Variants in BRWD3 observed in about 807,000 individuals in gnomAD.
BRWD3 encodes bromodomain and WD repeat domain containing 3, also known as bromodomain and WD repeat-containing protein 3.
In BRWD3, 10 loss-of-function variants were observed where a neutral mutation model predicts 149.7. The observed-to-expected ratio is 0.07, with a 90% CI of 0.04 to 0.11. BRWD3 has a LOEUF of 0.11. BRWD3 is among the 10% of genes least tolerant of loss of function. The probability of loss-of-function intolerance (pLI) is 1.00; values close to 1 mark genes in which losing one functional copy is unlikely to be tolerated. For synonymous variants in BRWD3, 504 were observed against 456.7 expected, an observed-to-expected ratio of 1.10 and a Z score of -1.32; for missense variants, 940 against 1,373.2, an observed-to-expected ratio of 0.68 and a Z score of 4.99.
chrX:80,794,746 A>C (rs2074219491), intron 4 of BRWD3, among the ~76,000 whole-genome samples: 1 of 110,745 alleles, frequency 9.0e-6, no homozygotes. Flanking sequence ...TCATTTGCTT[A>C]GCTGTTAATC....
Position 80,801,171 on chromosome X carries a change from C to T in BRWD3, c.180+7368G>A, listed in dbSNP as rs750542482. 2.8e-5 allele frequency among the ~76,000 whole-genome samples: 3 copies of T among 105,659 alleles called. No individual in the cohort carries two copies. The East Asian group carries it at 9.0e-4, about 32-fold the overall frequency. The allele number at this position is 105,659 out of a possible 115,157, so 91.8% of individuals were successfully genotyped here. A position where few individuals can be genotyped will look rare whatever the true frequency, so the allele number is the denominator to read the frequency against. ...CCACAAATAATTGAGACCCAGCTAA[C>T]TATAAGACACAATGGCGGATACTAA... On this transcript the variant is annotated intron_variant, in intron 4 of 40. Coordinates refer to ENST00000373275, the MANE Select transcript of BRWD3 (RefSeq NM_153252.5).
At chrX:80,702,460 T>TA (rs775645895) in intron 24 of BRWD3, among the ~76,000 whole-genome samples, 2 of 112,261 alleles carry the variant, frequency 1.8e-5, no homozygotes, top group African/African-American at 3.2e-5. Context: ...CTCCAGAAAA[T>TA]AAAAACAGGC....
At position 80,676,450 on chromosome X, in the gene BRWD3, A is replaced by T; in HGVS notation, c.*159T>A. ...TTATTTGAACAAATGAAGTGTGGAG[A>T]TCAAAAGTCTTGAAACAAATGTATA... On this transcript the variant is annotated 3_prime_UTR_variant, in exon 41 of 41. Coordinates refer to ENST00000373275, the MANE Select transcript of BRWD3 (RefSeq NM_153252.5). 4.5e-6 allele frequency: 3 copies of T among 666,754 alleles called. No homozygotes were observed. The highest frequency in any genetic ancestry group is 6.7e-6 in the Non-Finnish European group (3 of 446,379). The allele number at this position is 666,754 out of a possible 1,213,427, so 54.9% of individuals were successfully genotyped here.
intron 8 of BRWD3, among the ~76,000 whole-genome samples, chrX:80,741,772 G>T (rs1278631114): frequency 9.0e-6 from 1 of 111,574 alleles, no homozygotes; most frequent in Non-Finnish European, 1.9e-5. Context: ...TTTTTTTCTT[G>T]TAAATTTGTT....
In BRWD3 at chrX:80,685,574, C is replaced by T. The variant is rs377719481; in HGVS notation, c.4006-38G>A. The stretch of plus-strand genomic sequence containing the variant: ...AGAACATATACTGGTTTCCAGACAA[C>T]TATAACAAAATATCAAGACGTGTAA... On this transcript the variant is annotated intron_variant, in intron 35 of 40. Coordinates refer to ENST00000373275, the MANE Select transcript of BRWD3 (RefSeq NM_153252.5). The T allele has an allele frequency of 2.9e-6, 3 of 1,042,371 alleles. No individual in the cohort carries two copies. The African/African-American group carries it at 5.6e-5, about 19-fold the overall frequency. 85.9% of individuals were successfully genotyped at this position (1,042,371 alleles called of 1,213,427 possible).
At chrX:80,726,084 A>C (rs1394232476) in intron 14 of BRWD3, among the ~76,000 whole-genome samples, 1 of 106,677 alleles carries the variant, frequency 9.4e-6, no homozygotes, top group African/African-American at 3.4e-5. Context: ...TGTTGTCTGT[A>C]TAACAACATG....
chrX:80,698,755 G>A (rs1259102666), intron 25 of BRWD3, among the ~76,000 whole-genome samples: 2 of 108,336 alleles, frequency 1.8e-5, no homozygotes, highest in Non-Finnish European at 3.8e-5. Flanking sequence ...TGAATCCTCT[G>A]ATTCTAAAAA....
intron 18 of BRWD3, among the ~76,000 whole-genome samples, chrX:80,718,542 G>T (rs1041241691): frequency 2.7e-5 from 3 of 111,718 alleles, no homozygotes; most frequent in Admixed American, 1.9e-4. Flanking sequence ...GGAATAAAGG[G>T]CCTGGATAGA....
rs755098225 is a variant in BRWD3, at chrX:80,691,080, C to T, written c.3575G>A (p.Arg1192Lys). 2.5e-6 allele frequency: 3 copies of T among 1,206,876 alleles called. No individual in the cohort carries two copies. In the East Asian group the frequency reaches 8.9e-5, roughly 36 times the overall value. Residue 1192 changes from arginine (R) to lysine (K), a missense_variant, in exon 31 of 41, where the codon AGG (arginine) becomes AAG (lysine). Arg to Lys is a conservative substitution (Grantham distance 26). Transcript: ENST00000373275. ...GTAAAAGCGATTTTCAAGTCTCCGC[C>T]TGATGGTATTGAGGTCAGTTGGATA... ...VAYPTDLNTI[R>K]RRLENRFYRR...
rs141962222 is a variant in BRWD3 at position 80,689,830 on chromosome X, C to T, written c.3745G>A (p.Asp1249Asn). 6.7e-6 allele frequency: 8 copies of T among 1,192,882 alleles called. No individual in the cohort carries two copies. The African/African-American group carries it at 1.2e-4, about 18-fold the overall frequency. Residue 1249 changes from aspartate (D) to asparagine (N), a missense_variant, in exon 33 of 41, where the codon GAT becomes AAT. By Grantham distance (23) the Asp-to-Asn change is conservative. This residue lies in a region of BRWD3 where 349 missense variants were observed against 419.6 expected (regional missense o/e 0.83). Transcript: ENST00000373275. ...LRFIGDQSCT[D>N]ILDTYNKIKA... ...ATTTTATTATAAGTATCCAGTATAT[C>T]AGTACAGCTCTGATCCCTAAGAAAC...
At position 80,686,850 on chromosome X, in the gene BRWD3, A is replaced by G. The variant is rs1203110224; in HGVS notation, c.4005+13T>C. The G allele has an allele frequency of 8.3e-7, 1 of 1,207,727 alleles. No homozygotes were observed. Among genetic ancestry groups the G allele is most frequent in the African/African-American group, 1.7e-5 (1 of 57,584 alleles). ...TATCATACTGACAATTATTTAAACA[A>G]CTGTATGCTTACTGGGTAAGAAAGA... is the stretch of plus-strand genomic sequence containing the variant. On this transcript the variant is annotated intron_variant, in intron 35 of 40. Coordinates refer to ENST00000373275, the MANE Select transcript of BRWD3 (RefSeq NM_153252.5).
chrX:80,763,038 G>C (rs1026139856), intron 6 of BRWD3, among the ~76,000 whole-genome samples: 3 of 111,191 alleles, frequency 2.7e-5, no homozygotes, highest in African/African-American at 9.8e-5. Context: ...CCTATACTTT[G>C]CTGCCCAGAG....
chrX:80,745,554 A>C lies in BRWD3; in HGVS notation c.591+15T>G. On this transcript the variant is annotated intron_variant, in intron 7 of 40. Coordinates refer to ENST00000373275, the MANE Select transcript of BRWD3 (RefSeq NM_153252.5). ...AATTCTATATATGTTACCATATTATAAATTTTACACTCACTGTAAAAATTC... is the reference window on the plus strand; with the variant it reads ...AATTCTATATATGTTACCATATTATCAATTTTACACTCACTGTAAAAATTC... The C allele has an allele frequency of 8.4e-7, 1 of 1,194,593 alleles. No homozygotes were observed. The highest frequency in any genetic ancestry group is 1.8e-5 in the South Asian group (1 of 55,647).
At chrX:80,792,248 A>G (rs760998636) in intron 5 of BRWD3, among the ~76,000 whole-genome samples, 1 of 112,211 alleles carries the variant, frequency 8.9e-6, no homozygotes, top group South Asian at 3.6e-4. Flanking sequence ...AATAAGCTTT[A>G]AAGTTTACAT....
At chrX:80,727,800 C>T (rs2073272308) in intron 14 of BRWD3, among the ~76,000 whole-genome samples, 1 of 111,049 alleles carries the variant, frequency 9.0e-6, no homozygotes, top group South Asian at 3.8e-4. Flanking sequence ...TTCTCTGAGC[C>T]TCCCATATCA....
Position 80,676,355 on chromosome X carries a change from G to A in BRWD3, c.*254C>T. On this transcript the variant is annotated 3_prime_UTR_variant, in exon 41 of 41. Transcript: ENST00000373275. ...TTCGTGTGTGTGTGTCTGTGTGTGT[G>A]TATGTGTGTGTATGTGTTTGTGTGT... 1 of 399,293 alleles carries A rather than the reference G, an allele frequency of 2.5e-6. No individual in the cohort carries two copies. The highest frequency in any genetic ancestry group is 4.4e-6 in the Non-Finnish European group (1 of 228,098). The allele number at this position is 399,293 out of a possible 1,213,427, so 32.9% of individuals were successfully genotyped here.
intron 12 of BRWD3, among the ~76,000 whole-genome samples, chrX:80,730,405 G>GAAAA (rs1424819509): frequency 1.9e-5 from 2 of 103,069 alleles, no homozygotes; most frequent in Non-Finnish European, 4.0e-5. Flanking sequence ...AAGAAAGAAA[G>GAAAA]AAAGAAAGAA....
intron 8 of BRWD3, 22 bp from the exon 9 acceptor site, chrX:80,736,110 T>C: frequency 9.8e-7 from 1 of 1,018,229 alleles, no homozygotes; most frequent in Non-Finnish European, 1.4e-6. Flanking sequence ...AAAAATCTGA[T>C]TCAAATAAAA....
intron 20 of BRWD3, chrX:80,710,579 AATCT>A (rs2072949070): frequency 2.2e-6 from 1 of 463,852 alleles, no homozygotes; most frequent in Non-Finnish European, 4.0e-6. Flanking sequence ...TGGAGTTTAC[AATCT>A]ATCATGATGA....
Sources: gnomAD v4.1 joint callset for allele counts (sites outside exome capture counted in the v4.1 genomes callset) on GRCh38, gnomAD v4.1.1 for gene constraint, gnomAD v4.1.1 regional missense constraint, MANE v1.5 for transcripts, NCBI Gene and HGNC (gene_info 2026-07-23, HGNC 2026-07-21) for gene names.